SBK3: variants seen among roughly 807,000 people sequenced by gnomAD.
SBK3 encodes SH3 domain binding kinase family member 3, also known as uncharacterized serine/threonine-protein kinase SBK3.
A neutral mutation model predicts 12.7 loss-of-function variants in SBK3; 16 were observed. The ratio of observed to expected loss-of-function variants is 1.26; its 90% CI spans 0.86 to 1.92. The LOEUF is 1.92. SBK3 is among the 40% of genes most tolerant of loss of function. SBK3 has a pLI of 0.00. For synonymous variants in SBK3, 217 were observed against 213.6 expected (o/e 1.02, Z -0.14); for missense variants, 462 against 481.8 (o/e 0.96, Z 0.38).
chr19:55,540,936 C>T lies in SBK3; in HGVS notation c.990G>A (p.Glu330=). 3 of 1,536,156 alleles carry T rather than the reference C, an allele frequency of 2.0e-6. No homozygotes were observed. The highest frequency in any genetic ancestry group is 2.6e-6 in the Non-Finnish European group (3 of 1,146,878). The change falls in exon 4 of 4, where the codon GAG becomes GAA. Residue 330 remains glutamate (E), a synonymous_variant. Coordinates refer to ENST00000612221, the MANE Select transcript of SBK3 (RefSeq NM_001199824.2). ...LGSAVSYEDR[E]EGGSSLEEWT... ...ACTCCTCCAGGCTTGAGCCTCCCTC[C>T]TCCCTGTCCTCATAGGACACGGCGC...
Position 55,541,156 on chromosome 19 carries a change from C to G in SBK3, c.770G>C (p.Gly257Ala), listed in dbSNP as rs1296686460. ...TGGCTGAGGCTTGGTGGTCACCCAGCCAGCGAAGGCCTCGAACTCAGGGTT... is the reference window on the plus strand; with the variant it reads ...TGGCTGAGGCTTGGTGGTCACCCAGGCAGCGAAGGCCTCGAACTCAGGGTT... ...APNPEFEAFA[G>A]WVTTKPQPPQ... Residue 257 changes from glycine (G) to alanine (A), a missense_variant, in exon 4 of 4, where the codon GGC becomes GCC. Physicochemically the swap from Gly to Ala is moderately conservative, Grantham distance 60. Transcript: ENST00000612221. This position sits in a 1 kb window ranked among gnomAD's most constrained non-coding sequence, Gnocchi z 5.3. The G allele has an allele frequency of 6.5e-7, 1 of 1,535,652 alleles. No homozygotes were observed. The highest frequency in any genetic ancestry group is 2.0e-5 in the Admixed American group (1 of 50,950).
At chr19:55,544,728 T>C (rs758700805) in intron 2 of SBK3, 71 bp downstream of exon 2, 221 of 1,397,458 alleles carry the variant, frequency 1.6e-4, no homozygotes, top group Non-Finnish European at 2.0e-4. Context: ...GAATGCCCCC[T>C]GTCTGGGTGG....
Position 55,540,745 on chromosome 19 carries a change from C to G in SBK3, c.*101G>C. On this transcript the variant is annotated 3_prime_UTR_variant, in exon 4 of 4. Transcript: ENST00000612221. The stretch of plus-strand genomic sequence containing the variant: ...GTAGGGAGAGTGCAATGTGTTCCCT[C>G]TCTGTCCTCCCGGGTGCAGCTGTCT... The G allele has an allele frequency of 9.9e-7, 1 of 1,005,528 alleles. No homozygotes were observed. The allele number at this position is 1,005,528 out of a possible 1,614,324, so 62.3% of individuals were successfully genotyped here.
In SBK3 at chr19:55,544,824, C is replaced by A; in HGVS notation, c.171G>T (p.Val57=). The change falls in exon 2 of 4, where the codon GTG becomes GTT. Residue 57 remains valine (V), a synonymous_variant. Transcript: ENST00000612221. ...RKLGSGSYGR[V]LLAQPHQGGP... ...CCCCCTGGTGAGGCTGGGCAAGGAGCACGCGGCCGTAGGAGCCGGAGCCCA... is the reference window on the plus strand; with the variant it reads ...CCCCCTGGTGAGGCTGGGCAAGGAGAACGCGGCCGTAGGAGCCGGAGCCCA... 7 of 1,526,410 alleles carry A rather than the reference C, an allele frequency of 4.6e-6. No individual in the cohort carries two copies. The highest frequency in any genetic ancestry group is 1.4e-5 in the African/African-American group (1 of 72,810). The allele number at this position is 1,526,410 out of a possible 1,614,324, so 94.6% of individuals were successfully genotyped here.
intron 1 of SBK3, 39 bp from the exon 2 acceptor site, chr19:55,544,988 G>A (rs1988642809): frequency 2.7e-6 from 4 of 1,487,710 alleles, no homozygotes; most frequent in Non-Finnish European, 3.6e-6. Flanking sequence ...GGCGCGTCTG[G>A]GGTCCACTGA....
chr19:55,541,184 G>C lies in SBK3; in HGVS notation c.742C>G (p.Pro248Ala). The C allele has an allele frequency of 6.5e-7, 1 of 1,536,042 alleles. No individual in the cohort carries two copies. The highest frequency in any genetic ancestry group is 8.7e-7 in the Non-Finnish European group (1 of 1,146,886). The change falls in exon 4 of 4, where the codon CCC becomes GCC. Residue 248 changes from proline (P) to alanine (A), a missense_variant. Coordinates refer to ENST00000612221, the MANE Select transcript of SBK3 (RefSeq NM_001199824.2). This position sits in a 1 kb window ranked among gnomAD's most constrained non-coding sequence, Gnocchi z 5.3. Reference sequence around the variant, plus strand: ...GCGAAGGCCTCGAACTCAGGGTTGGGGGCCAGTGCCACGTCCCAAGGGAAA... The same window carrying C: ...GCGAAGGCCTCGAACTCAGGGTTGGCGGCCAGTGCCACGTCCCAAGGGAAA... Reference protein sequence around the residue: ...ACFPWDVALAPNPEFEAFAGW... With the variant: ...ACFPWDVALAANPEFEAFAGW...
intron 3 of SBK3, among the ~76,000 whole-genome samples, chr19:55,542,053 C>T (rs1270273869): frequency 6.6e-6 from 1 of 152,212 alleles, no homozygotes; most frequent in African/African-American, 2.4e-5. Flanking sequence ...TCATTCTTAA[C>T]CCTAATCTTA....
At chr19:55,543,880 T>G (rs1049570117) in intron 3 of SBK3, among the ~76,000 whole-genome samples, 1 of 150,022 alleles carries the variant, frequency 6.7e-6, no homozygotes, top group African/African-American at 2.4e-5. Context: ...CCCAGCTCCC[T>G]GCCTTTCCAC....
In SBK3 at chr19:55,541,166, C is replaced by A. The variant is rs1413952867; in HGVS notation, c.760G>T (p.Ala254Ser). 1 of 1,535,892 alleles carries A rather than the reference C, an allele frequency of 6.5e-7. No homozygotes were observed. The highest frequency in any genetic ancestry group is 1.4e-5 in the African/African-American group (1 of 73,154). ...TTGGTGGTCACCCAGCCAGCGAAGG[C>A]CTCGAACTCAGGGTTGGGGGCCAGT... The part of the protein sequence containing the change: ...VALAPNPEFE[A>S]FAGWVTTKPQ... Residue 254 changes from alanine (A) to serine (S), a missense_variant, in exon 4 of 4, where the codon GCC (alanine) becomes TCC (serine). Transcript: ENST00000612221. The surrounding 1 kb of genome is among the most constrained non-coding windows in gnomAD (Gnocchi z 5.3).
In SBK3 at chr19:55,541,542, C is replaced by T. The variant is rs1228917542; in HGVS notation, c.400-16G>A. 1 of 1,490,654 alleles carries T rather than the reference C, an allele frequency of 6.7e-7. No homozygotes were observed. Among genetic ancestry groups the T allele is most frequent in the Non-Finnish European group, 8.9e-7 (1 of 1,119,748 alleles). 92.3% of individuals were successfully genotyped at this position (1,490,654 alleles called of 1,614,324 possible). A position where few individuals can be genotyped will look rare whatever the true frequency, so the allele number is the denominator to read the frequency against. ...CTGGGAGGCCCTGAGGTCAAGAAGA[C>T]AGGAGGAGGGTCAGAGTGTCTTGGT... is the stretch of plus-strand genomic sequence containing the variant. On this transcript the variant is annotated splice_polypyrimidine_tract_variant and intron_variant, in intron 3 of 3. Transcript: ENST00000612221. The surrounding 1 kb of genome is among the most constrained non-coding windows in gnomAD (Gnocchi z 5.3).
intron 3 of SBK3, 59 bp downstream of exon 3, chr19:55,544,041 C>A: frequency 2.9e-6 from 4 of 1,378,996 alleles, no homozygotes; most frequent in Non-Finnish European, 3.8e-6. Flanking sequence ...AGAGACGGGG[C>A]TTGGGACAGA....
rs1988561194 is a variant in SBK3 at position 55,541,510 on chromosome 19, A to G, written c.416T>C (p.Leu139Pro). The change falls in exon 4 of 4, where the codon CTG becomes CCG. Residue 139 changes from leucine to proline, a missense_variant. By Grantham distance (98) the Leu-to-Pro change is moderately conservative. Coordinates refer to ENST00000612221, the MANE Select transcript of SBK3 (RefSeq NM_001199824.2). This position sits in a 1 kb window ranked among gnomAD's most constrained non-coding sequence, Gnocchi z 5.3. ...MLQERGLPEL[L>P]VKRVVAQLAG... The stretch of plus-strand genomic sequence containing the variant: ...CAACTGGGCCACCACCCGCTTCACC[A>G]GCAGTTCTGGGAGGCCCTGAGGTCA... The G allele has an allele frequency of 6.6e-7, 1 of 1,519,872 alleles. No homozygotes were observed. Among genetic ancestry groups the G allele is most frequent in the Non-Finnish European group, 8.8e-7 (1 of 1,135,940 alleles). 94.1% of individuals were successfully genotyped at this position (1,519,872 alleles called of 1,614,324 possible).
In SBK3 at chr19:55,541,729, A is replaced by G. The variant is rs908500752; in HGVS notation, c.400-203T>C. On this transcript the variant is annotated intron_variant, in intron 3 of 3. Coordinates refer to ENST00000612221, the MANE Select transcript of SBK3 (RefSeq NM_001199824.2). The surrounding 1 kb of genome is among the most constrained non-coding windows in gnomAD (Gnocchi z 5.3). ...GAGGCTCTAGATTCCTAAGTCCTAAAAGTTTGACTCTTGGGGTTTGAGAAT... is the reference window on the plus strand; with the variant it reads ...GAGGCTCTAGATTCCTAAGTCCTAAGAGTTTGACTCTTGGGGTTTGAGAAT... 1.3e-5 allele frequency among the ~76,000 whole-genome samples: 2 copies of G among 152,272 alleles called. No individual in the cohort carries two copies. Among genetic ancestry groups the G allele is most frequent in the South Asian group, 4.1e-4 (2 of 4,820 alleles).
At chr19:55,543,590 G>C (rs1354876980) in intron 3 of SBK3, among the ~76,000 whole-genome samples, 5 of 151,718 alleles carry the variant, frequency 3.3e-5, no homozygotes, top group African/African-American at 9.7e-5. Context: ...AGAGACCCTA[G>C]AATATCATGG....
chr19:55,542,713 CA>C (rs1046422891), intron 3 of SBK3, among the ~76,000 whole-genome samples: 6 of 148,862 alleles, frequency 4.0e-5, no homozygotes, highest in Non-Finnish European at 8.9e-5. Flanking sequence ...TTCATCCACC[CA>C]CCCACCTACC....
intron 3 of SBK3, among the ~76,000 whole-genome samples, chr19:55,542,846 ACCCACCAATCCTTCCT>A (rs1292354419): frequency 1.1e-4 from 16 of 143,400 alleles, no homozygotes; most frequent in African/African-American, 1.6e-4. Context: ...CCGTCCATCC[ACCCACCAATCCTTCCT>A]TCCATCCATC....
intron 3 of SBK3, among the ~76,000 whole-genome samples, chr19:55,542,266 G>A (rs1419788290): frequency 6.6e-6 from 1 of 152,122 alleles, no homozygotes; most frequent in African/African-American, 2.4e-5. Context: ...AATCCAATAA[G>A]TTATTCTGTT....
In SBK3 at chr19:55,545,192, G is replaced by T; in HGVS notation, c.46-243C>A. On this transcript the variant is annotated intron_variant, in intron 1 of 3. Coordinates refer to ENST00000612221, the MANE Select transcript of SBK3 (RefSeq NM_001199824.2). This position sits in a 1 kb window ranked among gnomAD's most constrained non-coding sequence, Gnocchi z 4.4. ...TGCCCCTGTCTGTGGGAGCAGGCCAGGAGCCCCCAGCCCCGAGTGGGGGTG... is the reference window on the plus strand; with the variant it reads ...TGCCCCTGTCTGTGGGAGCAGGCCATGAGCCCCCAGCCCCGAGTGGGGGTG... 2 of 581,694 alleles carry T rather than the reference G, an allele frequency of 3.4e-6. No homozygotes were observed. The highest frequency in any genetic ancestry group is 3.0e-6 in the Non-Finnish European group (1 of 329,048). 36.0% of individuals were successfully genotyped at this position (581,694 alleles called of 1,614,324 possible).
intron 2 of SBK3, 68 bp from the exon 3 acceptor site, chr19:55,544,370 C>T (rs1292771054): frequency 1.2e-5 from 15 of 1,237,764 alleles, no homozygotes; most frequent in African/African-American, 4.5e-5. Context: ...TGAGGGAAGC[C>T]GTGTAAACTC....
Sources: gnomAD v4.1 joint callset for allele counts (sites outside exome capture counted in the v4.1 genomes callset) on GRCh38, gnomAD v4.1.1 for gene constraint, Gnocchi (gnomAD v3.1) non-coding constraint, MANE v1.5 for transcripts, NCBI Gene and HGNC (gene_info 2026-07-23, HGNC 2026-07-21) for gene names.